Variants in TRAPPC9 observed in about 807,000 individuals in gnomAD.
TRAPPC9 encodes trafficking protein particle complex subunit 9.
Under a neutral mutation model 124.0 loss-of-function variants are expected in TRAPPC9, and 83 were observed. That is an observed-to-expected ratio of 0.67 (90% CI 0.56 to 0.80). The LOEUF is 0.80. TRAPPC9 is among the 30% of genes least tolerant of loss of function. The pLI is 0.00. For synonymous variants in TRAPPC9, 638 were observed against 617.5 expected (o/e 1.03, Z -0.49); for missense variants, 1,302 against 1,508.3 (o/e 0.86, Z 2.27).
chr8:140,122,023 TTCTCTCTCTCTCTCTC>T (rs533446141), intron 17 of TRAPPC9, among the ~76,000 whole-genome samples: 1 of 138,438 alleles, frequency 7.2e-6, no homozygotes, highest in Non-Finnish European at 1.6e-5. Flanking sequence ...CTTTCTTTCT[TTCTCTCTCTCTCTCTC>T]TCTCTCTCTC....
intron 17 of TRAPPC9, among the ~76,000 whole-genome samples, chr8:140,217,128 T>C (rs1297041085): frequency 6.6e-6 from 1 of 152,166 alleles, no homozygotes; most frequent in East Asian, 1.9e-4. Context: ...ACGTTGTGCT[T>C]TAATTCAGCA....
At chr8:140,350,532 C>T (rs1401211459) in intron 9 of TRAPPC9, among the ~76,000 whole-genome samples, 10 of 152,110 alleles carry the variant, frequency 6.6e-5, no homozygotes, top group South Asian at 2.1e-4. Flanking sequence ...TGTTCCAGGC[C>T]GTCCCAGGAC....
At chr8:140,149,523 G>A (rs529749019) in intron 17 of TRAPPC9, among the ~76,000 whole-genome samples, 15 of 152,182 alleles carry the variant, frequency 9.9e-5, no homozygotes, top group Non-Finnish European at 2.1e-4. Context: ...AGGAGGCTGA[G>A]GCAGGAGAAT....
At chr8:140,042,728 C>A (rs1841349733) in intron 17 of TRAPPC9, among the ~76,000 whole-genome samples, 3 of 152,260 alleles carry the variant, frequency 2.0e-5, no homozygotes, top group Non-Finnish European at 4.4e-5. Flanking sequence ...ACATCTCTGC[C>A]TTCCCAGCAC....
At chr8:139,912,012 C>T (rs1831768612) in intron 19 of TRAPPC9, among the ~76,000 whole-genome samples, 1 of 152,078 alleles carries the variant, frequency 6.6e-6, no homozygotes, top group Admixed American at 6.5e-5. Flanking sequence ...GAGGACAGTG[C>T]TTTTGTGGCA....
At chr8:140,196,055 A>G (rs1159339464) in intron 17 of TRAPPC9, among the ~76,000 whole-genome samples, 3 of 76,966 alleles carry the variant, frequency 3.9e-5, no homozygotes, top group Admixed American at 1.5e-4. Context: ...CACATTGAAC[A>G]ATTCACATAC....
At chr8:139,921,371 C>T (rs1587221416) in intron 19 of TRAPPC9, among the ~76,000 whole-genome samples, 1 of 152,244 alleles carries the variant, frequency 6.6e-6, no homozygotes, top group East Asian at 1.9e-4. Context: ...TGCATGGGGA[C>T]ATAAAATGAA....
rs183568564 is a variant in TRAPPC9 at position 140,035,028 on chromosome 8, C to T, written c.2557-10949G>A. Among the ~76,000 whole-genome samples the T allele has an allele frequency of 5.6e-3, 855 of 152,356 alleles. 7 individuals carry two copies. The highest frequency in any genetic ancestry group is 0.02 in the African/African-American group (815 of 41,584). ...CTAAATGCTGCATTCAAGATGCTCA[C>T]GGTTTTTCCCCTTCTGTATACACAG... On this transcript the variant is annotated intron_variant, in intron 17 of 22. Coordinates refer to ENST00000438773, the MANE Select transcript of TRAPPC9 (RefSeq NM_001160372.4).
At chr8:140,272,356 AGTG>A (rs749391419) in intron 15 of TRAPPC9, among the ~76,000 whole-genome samples, 3 of 104,528 alleles carry the variant, frequency 2.9e-5, no homozygotes, top group Non-Finnish European at 5.5e-5. Flanking sequence ...CAGTGGAGAG[AGTG>A]GTGGTAGTGA....
intron 21 of TRAPPC9, among the ~76,000 whole-genome samples, chr8:139,796,117 GGGAGGAGGAAGA>G (rs1823067826): frequency 6.9e-6 from 1 of 144,684 alleles, no homozygotes; most frequent in Non-Finnish European, 1.5e-5. Context: ...AAGAGGAGGA[GGGAGGAGGAAGA>G]GGAGAAGGAG....
In TRAPPC9 at chr8:139,966,005, G is replaced by A. The variant is rs570851701; in HGVS notation, c.2810+22721C>T. On this transcript the variant is annotated intron_variant, in intron 19 of 22. Coordinates refer to ENST00000438773, the MANE Select transcript of TRAPPC9 (RefSeq NM_001160372.4). ...GGCTTTGCAAGGGGAAAATGTCCTT[G>A]GTACCTATCCATTTTGAAAAACAGT... is the stretch of plus-strand genomic sequence containing the variant. Among the ~76,000 whole-genome samples the A allele has an allele frequency of 2.0e-5, 3 of 152,320 alleles. No individual in the cohort carries two copies. In the East Asian group the frequency reaches 5.8e-4, roughly 29 times the overall value.
intron 16 of TRAPPC9, among the ~76,000 whole-genome samples, chr8:140,240,969 G>C (rs924958449): frequency 5.3e-5 from 8 of 152,166 alleles, no homozygotes; most frequent in Admixed American, 5.2e-4. Context: ...CAGCCTACCT[G>C]GGCCTGCCAT....
Position 140,370,875 on chromosome 8 carries a change from G to C in TRAPPC9, c.1351+89C>G. On this transcript the variant is annotated intron_variant, in intron 8 of 22. Transcript: ENST00000438773. ...TTCTGGAGCCACCAGCACCAACCAC[G>C]ATGTCTGCCACTCAGGGCAGGGGCT... 6 of 1,463,202 alleles carry C rather than the reference G, an allele frequency of 4.1e-6. No individual in the cohort carries two copies. In the South Asian group the frequency reaches 6.9e-5, roughly 17 times the overall value. 90.6% of individuals were successfully genotyped at this position (1,463,202 alleles called of 1,614,324 possible).
intron 21 of TRAPPC9, among the ~76,000 whole-genome samples, chr8:139,858,154 G>A (rs1827914779): frequency 6.6e-6 from 1 of 152,174 alleles, no homozygotes; most frequent in African/African-American, 2.4e-5. Flanking sequence ...GTTTATTAGG[G>A]GTCATACATA....
chr8:139,983,580 A>G (rs536964374), intron 19 of TRAPPC9, among the ~76,000 whole-genome samples: 2 of 152,202 alleles, frequency 1.3e-5, no homozygotes, highest in Admixed American at 1.3e-4. Flanking sequence ...AGGGCCTGGC[A>G]CCTCGGAGAT....
At chr8:140,103,365 G>C (rs972724197) in intron 17 of TRAPPC9, among the ~76,000 whole-genome samples, 1 of 152,160 alleles carries the variant, frequency 6.6e-6, no homozygotes, top group African/African-American at 2.4e-5. Flanking sequence ...AAATGACAGA[G>C]CTCACGTGAG....
At chr8:140,266,752 C>T (rs916941744) in intron 15 of TRAPPC9, among the ~76,000 whole-genome samples, 2 of 151,474 alleles carry the variant, frequency 1.3e-5, no homozygotes, top group Admixed American at 1.3e-4. Context: ...CCCAGCTACT[C>T]GGGAGGCTGA....
upstream of TRAPPC9, chr8:140,458,490 A>C: frequency 6.3e-7 from 1 of 1,576,226 alleles, no homozygotes; most frequent in Non-Finnish European, 8.6e-7. Context: ...CCCGGGAGGC[A>C]CGTGAGGTGC....
intron 16 of TRAPPC9, among the ~76,000 whole-genome samples, chr8:140,244,469 G>A (rs1420234667): frequency 6.6e-6 from 1 of 152,136 alleles, no homozygotes; most frequent in Admixed American, 6.6e-5. Flanking sequence ...AGTACACAGA[G>A]AAAGAAAACC....
Sources: gnomAD v4.1 joint callset for allele counts (sites outside exome capture counted in the v4.1 genomes callset) on GRCh38, gnomAD v4.1.1 for gene constraint, MANE v1.5 for transcripts, NCBI Gene and HGNC (gene_info 2026-07-23, HGNC 2026-07-21) for gene names.